The following CCNT1 variants were observed in gnomAD, a reference collection of about 807,000 sequenced individuals.
CCNT1 encodes the protein cyclin T1.
CCNT1 carries 18 observed loss-of-function variants against 67.3 expected under a neutral mutation model. The observed-to-expected ratio is 0.27, with a 90% CI of 0.18 to 0.40. The LOEUF (loss-of-function observed/expected upper bound fraction) is 0.40. Ranked by LOEUF, CCNT1 falls within the 10% of genes least tolerant of loss-of-function variation. The probability of loss-of-function intolerance (pLI) is 1.00; values close to 1 mark genes in which losing one functional copy is unlikely to be tolerated. For synonymous variants in CCNT1, 333 were observed against 310.3 expected (o/e 1.07, Z -0.77); for missense variants, 744 against 884.9 (o/e 0.84, Z 2.02).
At chr12:48,700,915 A>G in intron 4 of CCNT1, 98 bp downstream of exon 4, 1 of 700,326 alleles carries the variant, frequency 1.4e-6, no homozygotes, top group East Asian at 2.8e-5. Flanking sequence ...CACTACAAAA[A>G]CTTTCCCAAG....
Position 48,691,464 on chromosome 12 carries a change from A to G in CCNT1, c.*1569T>C, listed in dbSNP as rs978498239. ...AAAAATGCAATGAAGATCAAAGAAT[A>G]TCTCATTAAATGATCTCTGGCTAGG... On this transcript the variant is annotated 3_prime_UTR_variant, in exon 9 of 9. Coordinates refer to ENST00000261900, the MANE Select transcript of CCNT1 (RefSeq NM_001240.4). 1 of 152,238 alleles carries G rather than the reference A, an allele frequency of 6.6e-6. No individual in the cohort carries two copies. The highest frequency in any genetic ancestry group is 1.5e-5 in the Non-Finnish European group (1 of 68,046). The allele number at this position is 152,238 out of a possible 1,614,324, so 9.4% of individuals were successfully genotyped here.
rs1188954260 is a variant in CCNT1, at chr12:48,688,691, A to G, written c.*4342T>C. ...ATCCAGAGCTGAGGTGCCCCAAGGA[A>G]GACAGAGGCAATGGCAGAATAATAT... On this transcript the variant is annotated 3_prime_UTR_variant, in exon 9 of 9. Coordinates refer to ENST00000261900, the MANE Select transcript of CCNT1 (RefSeq NM_001240.4). The G allele has an allele frequency of 1.3e-5, 2 of 152,232 alleles. No individual in the cohort carries two copies. The highest frequency in any genetic ancestry group is 2.9e-5 in the Non-Finnish European group (2 of 68,058). The allele number at this position is 152,232 out of a possible 1,614,324, so 9.4% of individuals were successfully genotyped here.
In CCNT1 at chr12:48,694,208, A is replaced by T; in HGVS notation, c.1006T>A (p.Ser336Thr). The stretch of plus-strand genomic sequence containing the variant: ...TCTAGTTTGAAAGAAGGTTGGGAGG[A>T]CAGCCAACGCTTGCCCGGCAACATC... ...VEMLPGKRWL[S>T]SQPSFKLEPT... is the part of the protein sequence containing the mutation. The change falls in exon 9 of 9, where the codon TCC becomes ACC. Residue 336 changes from serine (S) to threonine (T), a missense_variant. Physicochemically the swap from Ser to Thr is moderately conservative, Grantham distance 58. Coordinates refer to ENST00000261900, the MANE Select transcript of CCNT1 (RefSeq NM_001240.4). 1 of 1,614,164 alleles carries T rather than the reference A, an allele frequency of 6.2e-7. No individual in the cohort carries two copies. Among genetic ancestry groups the T allele is most frequent in the Non-Finnish European group, 8.5e-7 (1 of 1,180,036 alleles).
chr12:48,698,696 G>T (rs11168690), intron 5 of CCNT1, among the ~76,000 whole-genome samples: 1 of 152,102 alleles, frequency 6.6e-6, no homozygotes, highest in Non-Finnish European at 1.5e-5. Context: ...GGTGGCTCAC[G>T]CCTGTAATCC....
In CCNT1 at chr12:48,716,618, C is replaced by A; in HGVS notation, c.58G>T (p.Glu20Ter). The change falls in exon 1 of 9, where the codon GAA becomes TAA. Residue 20 changes from glutamate to a stop codon, truncating the protein, a stop_gained. Transcript: ENST00000261900. LOFTEE classifies it high-confidence loss of function. ...KRWYFTREQL[E>*]NSPSRRFGVD... The stretch of plus-strand genomic sequence containing the variant: ...CCAAAACGACGGGATGGGCTATTTT[C>A]CAGCTGTTCTCGAGTGAAATACCAC... 6.2e-7 allele frequency: 1 copy of A among 1,614,234 alleles called. No individual in the cohort carries two copies. The highest frequency in any genetic ancestry group is 8.5e-7 in the Non-Finnish European group (1 of 1,180,030).
At chr12:48,708,128 A>G (rs2137239921) in intron 2 of CCNT1, among the ~76,000 whole-genome samples, 1 of 152,364 alleles carries the variant, frequency 6.6e-6, no homozygotes, top group East Asian at 1.9e-4. Context: ...AGTTTAGAGC[A>G]CTTTGGGAGG....
intron 3 of CCNT1, among the ~76,000 whole-genome samples, chr12:48,702,779 G>A (rs568695618): frequency 1.1e-3 from 163 of 151,888 alleles, no homozygotes; most frequent in African/African-American, 3.6e-3. Flanking sequence ...ATCGCACCAC[G>A]GCACTCCGGC....
In CCNT1 at chr12:48,714,491, G is replaced by A; in HGVS notation, c.195C>T (p.Tyr65=). ...ACTGAATCATGTAGAATCGATGCATGTATACTATAGCAGTGTTGATAGTCA... is the reference window on the plus strand; with the variant it reads ...ACTGAATCATGTAGAATCGATGCATATATACTATAGCAGTGTTGATAGTCA... The part of the protein sequence containing the change: ...SQLTINTAIV[Y]MHRFYMIQSF... The change falls in exon 2 of 9, where the codon TAC becomes TAT. Residue 65 remains tyrosine, a synonymous_variant. Transcript: ENST00000261900. 6.2e-7 allele frequency: 1 copy of A among 1,610,772 alleles called. No individual in the cohort carries two copies. The highest frequency in any genetic ancestry group is 8.5e-7 in the Non-Finnish European group (1 of 1,177,136).
chr12:48,699,826 T>C lies in CCNT1; in HGVS notation c.448A>G (p.Ile150Val), dbSNP rs1401117279. ...ACTACATGAGTATGTGGGTGATCAA[T>C]TGTTAGTTCAAAGCCTTAAAAGAAA... ...ILQTLGFELT[I>V]DHPHTHVVKC... Residue 150 changes from isoleucine (I) to valine (V), a missense_variant, in exon 5 of 9, where the codon ATT becomes GTT. By Grantham distance (29) the Ile-to-Val change is conservative. Around this residue, in one of 3 missense-constraint regions of CCNT1, gnomAD observed 142 missense variants for 277.0 expected, o/e 0.51. Coordinates refer to ENST00000261900, the MANE Select transcript of CCNT1 (RefSeq NM_001240.4). 5 of 1,605,510 alleles carry C rather than the reference T, an allele frequency of 3.1e-6. No individual in the cohort carries two copies. Among genetic ancestry groups the C allele is most frequent in the Non-Finnish European group, 4.3e-6 (5 of 1,174,622 alleles).
At chr12:48,709,689 T>C (rs1445271351) in intron 2 of CCNT1, among the ~76,000 whole-genome samples, 1 of 152,132 alleles carries the variant, frequency 6.6e-6, no homozygotes, top group Non-Finnish European at 1.5e-5. Context: ...TGTGCAACAG[T>C]AGCATAGCAA....
At position 48,693,679 on chromosome 12, in the gene CCNT1, G is replaced by A. The variant is rs1237298955; in HGVS notation, c.1535C>T (p.Thr512Ile). ...ATGATGATGATGATTAGATGGGTGAGTCTTGTGCTTTTCTTTGTGCTCTCG... is the reference window on the plus strand; with the variant it reads ...ATGATGATGATGATTAGATGGGTGAATCTTGTGCTTTTCTTTGTGCTCTCG... ...KSREHKEKHK[T>I]HPSNHHHHHN... The change falls in exon 9 of 9, where the codon ACT (threonine) becomes ATT (isoleucine). Residue 512 changes from threonine to isoleucine, a missense_variant. Physicochemically the swap from Thr to Ile is moderately conservative, Grantham distance 89. This residue lies in a region of CCNT1 where 564 missense variants were observed against 574.2 expected (regional missense o/e 0.98). Transcript: ENST00000261900. 6.2e-7 allele frequency: 1 copy of A among 1,614,136 alleles called. No individual in the cohort carries two copies. Among genetic ancestry groups the A allele is most frequent in the Admixed American group, 1.7e-5 (1 of 60,022 alleles).
In CCNT1 at chr12:48,707,915, G is replaced by A. The variant is rs1349097210; in HGVS notation, c.244-2019C>T. ...TCTACTAAAAACACAAAAATTAGCCGGGCGTGGTGGCACACACCACCACTC... is the reference window on the plus strand; with the variant it reads ...TCTACTAAAAACACAAAAATTAGCCAGGCGTGGTGGCACACACCACCACTC... On this transcript the variant is annotated intron_variant, in intron 2 of 8. Transcript: ENST00000261900. Among the ~76,000 whole-genome samples the A allele has an allele frequency of 3.9e-5, 6 of 151,916 alleles. No homozygotes were observed. In the East Asian group the frequency reaches 5.8e-4, roughly 15 times the overall value.
intron 2 of CCNT1, among the ~76,000 whole-genome samples, chr12:48,708,542 G>A (rs1940401171): frequency 6.7e-6 from 1 of 149,768 alleles, no homozygotes. Context: ...GCGAGACTCT[G>A]TCTCAAAAAA....
At chr12:48,698,101 C>T in intron 6 of CCNT1, 37 bp downstream of exon 6, 5 of 1,411,128 alleles carry the variant, frequency 3.5e-6, no homozygotes, top group Non-Finnish European at 3.9e-6. Flanking sequence ...AAGTCCTATA[C>T]CAAAAATCGA....
At chr12:48,710,772 A>G (rs1338736991) in intron 2 of CCNT1, among the ~76,000 whole-genome samples, 1 of 152,220 alleles carries the variant, frequency 6.6e-6, no homozygotes, top group Non-Finnish European at 1.5e-5. Flanking sequence ...GATAAGAAAT[A>G]AAAAGATATG....
rs777008956 is a variant in CCNT1 at position 48,693,535 on chromosome 12, C to T, written c.1679G>A (p.Ser560Asn). 1 of 1,614,134 alleles carries T rather than the reference C, an allele frequency of 6.2e-7. No individual in the cohort carries two copies. The highest frequency in any genetic ancestry group is 8.5e-7 in the Non-Finnish European group (1 of 1,180,016). Residue 560 changes from serine (S) to asparagine (N), a missense_variant, in exon 9 of 9, where the codon AGC (serine) becomes AAC (asparagine). By Grantham distance (46) the Ser-to-Asn change is conservative. Coordinates refer to ENST00000261900, the MANE Select transcript of CCNT1 (RefSeq NM_001240.4). Reference protein sequence around the residue: ...QTSNLAHKTYSLSSSFSSSSS... With the variant: ...QTSNLAHKTYNLSSSFSSSSS... ...GGAAGAGGAAAAAGAACTAGACAAG[C>T]TATAGGTTTTATGTGCTAAGTTGCT... is the stretch of plus-strand genomic sequence containing the variant.
At chr12:48,697,911 G>C (rs1940203478) in intron 6 of CCNT1, 1 of 234,856 alleles carries the variant, frequency 4.3e-6, no homozygotes, top group South Asian at 1.7e-4. Flanking sequence ...CTCCAAATTA[G>C]ATTTTCAGTC....
chr12:48,700,988 AT>A (rs1238467018), intron 4 of CCNT1, 24 bp downstream of exon 4: 17 of 1,360,086 alleles, frequency 1.2e-5, no homozygotes, highest in Non-Finnish European at 1.4e-5. Flanking sequence ...ATTTAAAAAA[AT>A]GTTTCAAAGG....
At chr12:48,705,440 T>C (rs1327615060) in intron 3 of CCNT1, among the ~76,000 whole-genome samples, 5 of 151,884 alleles carry the variant, frequency 3.3e-5, no homozygotes, top group Non-Finnish European at 7.4e-5. Context: ...CTTTTTTTTT[T>C]CTTTTTTTTA....
Sources: gnomAD v4.1 joint callset for allele counts (sites outside exome capture counted in the v4.1 genomes callset) on GRCh38, gnomAD v4.1.1 for gene constraint, gnomAD v4.1.1 regional missense constraint, MANE v1.5 for transcripts, NCBI Gene and HGNC (gene_info 2026-07-23, HGNC 2026-07-21) for gene names.